PARD6G: variants seen among roughly 807,000 people sequenced by gnomAD.
PARD6G encodes the protein partitioning defective 6 homolog gamma.
Under a neutral mutation model 10.7 loss-of-function variants are expected in PARD6G, and 7 were observed. The ratio of observed to expected loss-of-function variants is 0.66; its 90% confidence interval spans 0.37 to 1.23. The LOEUF (loss-of-function observed/expected upper bound fraction) is 1.23. PARD6G is among the 50% of genes most tolerant of loss of function. The probability of loss-of-function intolerance (pLI) is 0.02; values close to 1 mark genes in which losing one functional copy is unlikely to be tolerated. For missense variants in PARD6G, 548 were observed against 571.8 expected (o/e 0.96, Z 0.42); for synonymous variants, 287 against 269.4 (o/e 1.07, Z -0.64).
At chr18:80,202,594 C>T in intron 2 of PARD6G, 116 bp downstream of exon 2, 1 of 750,666 alleles carries the variant, frequency 1.3e-6, no homozygotes, top group Non-Finnish European at 2.2e-6. Flanking sequence ...TCTTTAATCT[C>T]CTACTACAGG....
intron 2 of PARD6G, among the ~76,000 whole-genome samples, chr18:80,195,782 G>A (rs898371992): frequency 6.6e-6 from 1 of 150,930 alleles, no homozygotes; most frequent in African/African-American, 2.4e-5. Flanking sequence ...GGCTGAGGCA[G>A]GAGAATCGCT....
In PARD6G at chr18:80,246,886, C is replaced by A. The variant is rs1301777009; in HGVS notation, c.72+391G>T. Among the ~76,000 whole-genome samples the A allele has an allele frequency of 6.6e-6, 1 of 152,098 alleles. No homozygotes were observed. The highest frequency in any genetic ancestry group is 1.5e-5 in the Non-Finnish European group (1 of 67,986). The stretch of plus-strand genomic sequence containing the variant: ...ATCCCACGGCCCGGGCCCCCAGAGC[C>A]CCCCCACGGCCCCGAATCCGAGCAG... On this transcript the variant is annotated intron_variant, in intron 1 of 2. Coordinates refer to ENST00000353265, the MANE Select transcript of PARD6G (RefSeq NM_032510.4). The surrounding 1 kb of genome is among the most constrained non-coding windows in gnomAD (Gnocchi z 6.7).
Position 80,180,022 on chromosome 18 carries a change from G to A in PARD6G, c.296-19416C>T, listed in dbSNP as rs1158855076. On this transcript the variant is annotated intron_variant, in intron 2 of 2. Coordinates refer to ENST00000353265, the MANE Select transcript of PARD6G (RefSeq NM_032510.4). This position sits in a 1 kb window ranked among gnomAD's most constrained non-coding sequence, Gnocchi z 5.6. ...TCTGTCTAGGGGGGCAGAGCCTGAC[G>A]GGAACGCCCCATTGTGCCTCAGAAC... Among the ~76,000 whole-genome samples the A allele has an allele frequency of 6.6e-6, 1 of 152,230 alleles. No homozygotes were observed. Among genetic ancestry groups the A allele is most frequent in the Non-Finnish European group, 1.5e-5 (1 of 68,048 alleles).
intron 2 of PARD6G, among the ~76,000 whole-genome samples, chr18:80,172,281 A>C (rs1409980586): frequency 2.6e-5 from 4 of 152,086 alleles, no homozygotes; most frequent in Non-Finnish European, 2.9e-5. Context: ...GGTGATGCTA[A>C]GCATCTTTTC....
At chr18:80,207,930 C>T (rs1233166879) in intron 1 of PARD6G, among the ~76,000 whole-genome samples, 1 of 151,996 alleles carries the variant, frequency 6.6e-6, no homozygotes, top group Non-Finnish European at 1.5e-5. Context: ...AAAAAGAAAC[C>T]ATGTATAATT....
chr18:80,202,108 T>C (rs2145280428), intron 2 of PARD6G: 1 of 148,042 alleles, frequency 6.8e-6, no homozygotes, highest in African/African-American at 2.6e-5. Flanking sequence ...TGCTTCTTTC[T>C]TTCAGCATAT....
At chr18:80,173,943 T>C (rs1203549984) in intron 2 of PARD6G, among the ~76,000 whole-genome samples, 5 of 152,184 alleles carry the variant, frequency 3.3e-5, no homozygotes, top group South Asian at 4.1e-4. Context: ...AATGCCCGAA[T>C]TGCCTTGGCT....
At chr18:80,162,983 T>C (rs2052710624) in intron 2 of PARD6G, among the ~76,000 whole-genome samples, 1 of 152,272 alleles carries the variant, frequency 6.6e-6, no homozygotes, top group Admixed American at 6.5e-5. Context: ...TGATTGCTCA[T>C]TCTAAGTGGG....
intron 2 of PARD6G, among the ~76,000 whole-genome samples, chr18:80,163,071 T>TA (rs771769279): frequency 2.0e-5 from 3 of 152,186 alleles, no homozygotes; most frequent in Non-Finnish European, 2.9e-5. Context: ...CTTTCCATGA[T>TA]ACGGGCTCTT....
intron 2 of PARD6G, among the ~76,000 whole-genome samples, chr18:80,167,180 C>T (rs899657044): frequency 7.9e-5 from 12 of 152,202 alleles, no homozygotes; most frequent in African/African-American, 2.4e-4. Context: ...CATCATGTTG[C>T]GTGTGGACGT....
intron 2 of PARD6G, among the ~76,000 whole-genome samples, chr18:80,199,444 G>A (rs191906218): frequency 1.3e-5 from 2 of 152,290 alleles, no homozygotes; most frequent in Admixed American, 6.5e-5. Flanking sequence ...TGATGGACGC[G>A]TGGGCTGTTC....
rs1421086725 is a variant in PARD6G at position 80,231,693 on chromosome 18, T to A, written c.72+15584A>T. 1.3e-5 allele frequency among the ~76,000 whole-genome samples: 2 copies of A among 152,156 alleles called. No homozygotes were observed. Among genetic ancestry groups the A allele is most frequent in the Admixed American group, 6.5e-5 (1 of 15,278 alleles). On this transcript the variant is annotated intron_variant, in intron 1 of 2. Transcript: ENST00000353265. This position sits in a 1 kb window ranked among gnomAD's most constrained non-coding sequence, Gnocchi z 4.2. ...ATATGAACACATGTCCTGTGTTCAA[T>A]ATAGGCCCTGGTGAGCGAGTGAGAC...
chr18:80,177,763 A>C (rs1002084661), intron 2 of PARD6G, among the ~76,000 whole-genome samples: 1 of 151,784 alleles, frequency 6.6e-6, no homozygotes, highest in Non-Finnish European at 1.5e-5. Flanking sequence ...AAGCACACGC[A>C]CCCACGAGAT....
rs1214058212 is a variant in PARD6G, at chr18:80,192,318, AG to A, written c.295+10391del. 2.0e-5 allele frequency among the ~76,000 whole-genome samples: 3 copies of A among 152,224 alleles called. No homozygotes were observed. The highest frequency in any genetic ancestry group is 2.4e-5 in the African/African-American group (1 of 41,462). On this transcript the variant is annotated intron_variant, in intron 2 of 2. Coordinates refer to ENST00000353265, the MANE Select transcript of PARD6G (RefSeq NM_032510.4). The surrounding 1 kb of genome is among the most constrained non-coding windows in gnomAD (Gnocchi z 4.9). ...GCCTTCTGGCCTCAGCTCCAGCTCA[AG>A]GGGGTCTTGTTTAGCTGCCACTTGG...
rs2052681713 is a variant in PARD6G, at chr18:80,159,708, T to A, written c.*63A>T. 7 of 1,331,814 alleles carry A rather than the reference T, an allele frequency of 5.3e-6. No homozygotes were observed. Among genetic ancestry groups the A allele is most frequent in the Non-Finnish European group, 6.7e-6 (7 of 1,037,722 alleles). 82.5% of individuals were successfully genotyped at this position (1,331,814 alleles called of 1,614,324 possible). A position where few individuals can be genotyped will look rare whatever the true frequency, so the allele number is the denominator to read the frequency against. ...CAACAAAAAATGAGCGGATGCAGTC[T>A]GCAGGTCCTGTCCCTGTCCTTACCG... On this transcript the variant is annotated 3_prime_UTR_variant, in exon 3 of 3. Transcript: ENST00000353265.
intron 1 of PARD6G, among the ~76,000 whole-genome samples, chr18:80,226,151 G>GTTTTTT (rs10606939): frequency 1.3e-5 from 1 of 76,570 alleles, no homozygotes; most frequent in African/African-American, 5.4e-5. Context: ...AATGACTTCA[G>GTTTTTT]TTTTTTTTTT....
At chr18:80,204,785 C>A (rs1033959724) in intron 1 of PARD6G, among the ~76,000 whole-genome samples, 44 of 151,772 alleles carry the variant, frequency 2.9e-4, no homozygotes, top group South Asian at 8.3e-4. Context: ...CCCATCTCTA[C>A]TAAAAGTACC....
chr18:80,194,809 A>G (rs1966935887), intron 2 of PARD6G, among the ~76,000 whole-genome samples: 1 of 152,192 alleles, frequency 6.6e-6, no homozygotes, highest in Non-Finnish European at 1.5e-5. Flanking sequence ...AATGATACCC[A>G]TGGGAACAGA....
At chr18:80,224,616 G>A (rs1967268992) in intron 1 of PARD6G, among the ~76,000 whole-genome samples, 1 of 152,226 alleles carries the variant, frequency 6.6e-6, no homozygotes, top group Non-Finnish European at 1.5e-5. Flanking sequence ...GAGAGGCCGA[G>A]GCGGGCGGAT....
Sources: gnomAD v4.1 joint callset for allele counts (sites outside exome capture counted in the v4.1 genomes callset) on GRCh38, gnomAD v4.1.1 for gene constraint, Gnocchi (gnomAD v3.1) non-coding constraint, MANE v1.5 for transcripts, NCBI Gene and HGNC (gene_info 2026-07-23, HGNC 2026-07-21) for gene names.